TRPC7: variants seen among roughly 807,000 people sequenced by gnomAD.
TRPC7 encodes the protein transient receptor potential cation channel subfamily C member 7, also known as short transient receptor potential channel 7.
In TRPC7, 42 loss-of-function variants were observed where a neutral mutation model predicts 90.1. The ratio of observed to expected loss-of-function variants is 0.47; its 90% CI spans 0.36 to 0.60. The LOEUF is 0.60. TRPC7 is among the 20% of genes least tolerant of loss of function. The pLI is 0.00. For synonymous variants in TRPC7, 451 were observed against 436.3 expected (o/e 1.03, Z -0.42); for missense variants, 955 against 1,112.3 (o/e 0.86, Z 2.01).
At chr5:136,337,044 C>CTAG (rs1182920110) in intron 2 of TRPC7, among the ~76,000 whole-genome samples, 1 of 152,198 alleles carries the variant, frequency 6.6e-6, no homozygotes, top group East Asian at 1.9e-4. Flanking sequence ...AGGCCCCAAA[C>CTAG]TAGTAATGCC....
intron 2 of TRPC7, among the ~76,000 whole-genome samples, chr5:136,317,987 G>A (rs967604871): frequency 6.6e-6 from 1 of 152,204 alleles, no homozygotes. Context: ...CAACAGAGCA[G>A]CCAAAGCAGG....
intron 2 of TRPC7, among the ~76,000 whole-genome samples, chr5:136,323,685 C>T (rs1759266745): frequency 6.6e-6 from 1 of 152,198 alleles, no homozygotes; most frequent in Non-Finnish European, 1.5e-5. Flanking sequence ...TTTCCTTGAT[C>T]TATATGCTTA....
Position 136,357,153 on chromosome 5 carries a change from G to GC in TRPC7, c.234dup (p.Gln79AlafsTer100). The GC allele has an allele frequency of 6.2e-7, 1 of 1,614,108 alleles. No homozygotes were observed. Among genetic ancestry groups the GC allele is most frequent in the South Asian group, 1.1e-5 (1 of 91,064 alleles). The stretch of plus-strand genomic sequence containing the variant: ...CCCACGGCCAGCTGCAGAGCGTTCT[G>GC]CCCCATGTAGTCCACACAGTTGAAG... On this transcript the variant is annotated frameshift_variant, in exon 2 of 12. Coordinates refer to ENST00000513104, the MANE Select transcript of TRPC7 (RefSeq NM_020389.3). LOFTEE classifies it high-confidence loss of function.
intron 8 of TRPC7, 118 bp from the exon 9 acceptor site, chr5:136,226,373 T>C: frequency 1.4e-6 from 1 of 724,386 alleles, no homozygotes; most frequent in Non-Finnish European, 2.3e-6. Context: ...AAGCAGGACT[T>C]GGTGTAGTTT....
chr5:136,229,679 A>C (rs1454237819), intron 8 of TRPC7, among the ~76,000 whole-genome samples: 2 of 152,212 alleles, frequency 1.3e-5, no homozygotes, highest in African/African-American at 4.8e-5. Context: ...TAGAACTGTG[A>C]GGGAAGAAAC....
intron 3 of TRPC7, among the ~76,000 whole-genome samples, chr5:136,292,287 A>T (rs1479870195): frequency 2.0e-5 from 3 of 152,320 alleles, no homozygotes; most frequent in Non-Finnish European, 1.5e-5. Context: ...AGAAATAACT[A>T]AGATCAGAGC....
intron 11 of TRPC7, 113 bp downstream of exon 11, chr5:136,216,087 G>A (rs1755257078): frequency 1.2e-6 from 1 of 838,800 alleles, no homozygotes; most frequent in Non-Finnish European, 1.9e-6. Context: ...AGCCTCCCTG[G>A]AGCCTCTGGA....
At chr5:136,278,195 A>G (rs1011733248) in intron 3 of TRPC7, among the ~76,000 whole-genome samples, 26 of 152,228 alleles carry the variant, frequency 1.7e-4, no homozygotes, top group African/African-American at 6.0e-4. Flanking sequence ...AGTAATTCTT[A>G]GTCACTCCCT....
At chr5:136,330,063 C>A (rs1378702335) in intron 2 of TRPC7, among the ~76,000 whole-genome samples, 2 of 152,146 alleles carry the variant, frequency 1.3e-5, no homozygotes, top group African/African-American at 4.8e-5. Flanking sequence ...CTCAGAGAAT[C>A]CTTCAGGACA....
chr5:136,293,080 G>A (rs772383593), intron 3 of TRPC7, among the ~76,000 whole-genome samples: 2 of 152,048 alleles, frequency 1.3e-5, no homozygotes, highest in African/African-American at 2.4e-5. Flanking sequence ...AAGGCCTTTG[G>A]CAAAATTCAA....
At chr5:136,267,398 G>A (rs1268993115) in intron 4 of TRPC7, among the ~76,000 whole-genome samples, 3 of 152,150 alleles carry the variant, frequency 2.0e-5, no homozygotes, top group African/African-American at 7.2e-5. Context: ...AGAACAAAGA[G>A]GAACATCTTT....
intron 5 of TRPC7, among the ~76,000 whole-genome samples, chr5:136,254,179 G>A (rs954146579): frequency 1.3e-5 from 2 of 152,238 alleles, no homozygotes; most frequent in Non-Finnish European, 2.9e-5. Context: ...TGATGCAGAA[G>A]CTGCAACAAG....
intron 3 of TRPC7, among the ~76,000 whole-genome samples, chr5:136,289,482 C>T (rs915158923): frequency 5.3e-5 from 8 of 152,266 alleles, no homozygotes; most frequent in African/African-American, 1.4e-4. Context: ...ACAAATGGCA[C>T]ACCAGGAGAT....
At chr5:136,327,577 G>A (rs1759379724) in intron 2 of TRPC7, among the ~76,000 whole-genome samples, 1 of 152,208 alleles carries the variant, frequency 6.6e-6, no homozygotes. Flanking sequence ...AGATGAAAAG[G>A]AAGGTATGAG....
chr5:136,290,582 G>A (rs1462687985), intron 3 of TRPC7, among the ~76,000 whole-genome samples: 1 of 152,102 alleles, frequency 6.6e-6, no homozygotes, highest in African/African-American at 2.4e-5. Context: ...ATGAAGAGAA[G>A]TTTAGAGAAA....
At chr5:136,349,571 C>T (rs192790849) in intron 2 of TRPC7, among the ~76,000 whole-genome samples, 21 of 152,250 alleles carry the variant, frequency 1.4e-4, no homozygotes, top group Middle Eastern at 3.4e-3. Context: ...CCTGGGAGGT[C>T]GTTATTCATT....
intron 7 of TRPC7, among the ~76,000 whole-genome samples, chr5:136,234,852 G>A (rs1174534549): frequency 2.0e-5 from 3 of 152,102 alleles, no homozygotes; most frequent in Non-Finnish European, 4.4e-5. Flanking sequence ...TGTTTTTGTT[G>A]TTGTTATTAG....
chr5:136,258,903 A>G (rs920691336), intron 5 of TRPC7, among the ~76,000 whole-genome samples: 2 of 152,212 alleles, frequency 1.3e-5, no homozygotes, highest in Non-Finnish European at 2.9e-5. Context: ...AGGAGAGAGA[A>G]TATGCCTAGT....
At chr5:136,254,470 A>G (rs1000797560) in intron 5 of TRPC7, among the ~76,000 whole-genome samples, 5 of 152,228 alleles carry the variant, frequency 3.3e-5, no homozygotes, top group African/African-American at 9.6e-5. Context: ...CCTGTGCTCT[A>G]TAAGTGAAAC....
Sources: gnomAD v4.1 joint callset for allele counts (sites outside exome capture counted in the v4.1 genomes callset) on GRCh38, gnomAD v4.1.1 for gene constraint, MANE v1.5 for transcripts, NCBI Gene and HGNC (gene_info 2026-07-23, HGNC 2026-07-21) for gene names.